CCSER1: variants seen among roughly 807,000 people sequenced by gnomAD.
CCSER1 encodes the protein serine-rich coiled-coil domain-containing protein 1.
CCSER1 carries 41 observed loss-of-function variants against 82.0 expected under a neutral mutation model. The ratio of observed to expected loss-of-function variants is 0.50; its 90% CI spans 0.39 to 0.65. The LOEUF (loss-of-function observed/expected upper bound fraction) is 0.65, where lower values mean the gene tolerates loss of function less well. CCSER1 is among the 30% of genes least tolerant of loss of function. The pLI is 0.00. For synonymous variants in CCSER1, 414 were observed against 383.9 expected (o/e 1.08, Z -0.92); for missense variants, 1,119 against 1,064.2 (o/e 1.05, Z -0.72).
intron 5 of CCSER1, among the ~76,000 whole-genome samples, chr4:90,568,823 C>T (rs1779748051): frequency 6.7e-6 from 1 of 150,102 alleles, no homozygotes; most frequent in Non-Finnish European, 1.5e-5. Context: ...AATGCAGTGG[C>T]ACCGTGCCGT....
At chr4:90,134,792 C>G (rs1200748234) in intron 1 of CCSER1, among the ~76,000 whole-genome samples, 2 of 152,166 alleles carry the variant, frequency 1.3e-5, no homozygotes, top group Admixed American at 6.6e-5. Context: ...TTCAGTTCAT[C>G]TATTTAACTG....
intron 1 of CCSER1, among the ~76,000 whole-genome samples, chr4:90,211,663 GTTTA>G (rs1205690039): frequency 6.6e-6 from 1 of 152,182 alleles, no homozygotes; most frequent in Non-Finnish European, 1.5e-5. Flanking sequence ...AGCCACAACA[GTTTA>G]CCCTAAGAAT....
At chr4:91,217,315 A>G (rs1273358801) in intron 10 of CCSER1, among the ~76,000 whole-genome samples, 3 of 152,198 alleles carry the variant, frequency 2.0e-5, no homozygotes, top group Non-Finnish European at 4.4e-5. Context: ...GGTAGAGCCC[A>G]GTGGCCTGTT....
intron 9 of CCSER1, among the ~76,000 whole-genome samples, chr4:91,059,292 G>A (rs1277408043): frequency 8.4e-5 from 7 of 83,136 alleles, no homozygotes; most frequent in African/African-American, 3.2e-4. Context: ...AAGCTGAAAT[G>A]TGTGTATATA....
chr4:91,068,466 A>G (rs551476771), intron 9 of CCSER1, among the ~76,000 whole-genome samples: 2 of 152,344 alleles, frequency 1.3e-5, no homozygotes, highest in South Asian at 4.1e-4. Context: ...TGACAGAAAT[A>G]AACACATTTA....
At chr4:91,538,698 C>CATATATTATATATATATATAAT in intron 10 of CCSER1, among the ~76,000 whole-genome samples, 6 of 138,340 alleles carry the variant, frequency 4.3e-5, no homozygotes, top group African/African-American at 1.7e-4. Flanking sequence ...TATATATACA[C>CATATATTATATATATATATAAT]ATATATATAT....
chr4:90,914,398 G>A (rs563763647), intron 8 of CCSER1, among the ~76,000 whole-genome samples: 3 of 152,114 alleles, frequency 2.0e-5, no homozygotes, highest in South Asian at 2.1e-4. Context: ...ATGACTGCTC[G>A]GTACATAACT....
rs1764747805 is a variant in CCSER1 at position 91,599,936 on chromosome 4, TC to T, written c.*880del. On this transcript the variant is annotated 3_prime_UTR_variant, in exon 11 of 11. Coordinates refer to ENST00000509176, the MANE Select transcript of CCSER1 (RefSeq NM_001145065.2). ...GGATGAAACATCCTAAGAAAATTATTCTTTTTCTTTACTTTCCTTATTTTTT... is the reference window on the plus strand; with the variant it reads ...GGATGAAACATCCTAAGAAAATTATTTTTTTCTTTACTTTCCTTATTTTTT... 6.6e-6 allele frequency: 1 copy of T among 152,174 alleles called. No homozygotes were observed. Among genetic ancestry groups the T allele is most frequent in the Admixed American group, 6.6e-5 (1 of 15,258 alleles). The allele number at this position is 152,174 out of a possible 1,614,324, so 9.4% of individuals were successfully genotyped here.
At chr4:90,863,203 C>A (rs1765313793) in intron 8 of CCSER1, among the ~76,000 whole-genome samples, 1 of 151,084 alleles carries the variant, frequency 6.6e-6, no homozygotes, top group Non-Finnish European at 1.5e-5. Context: ...GGTCTTTTGT[C>A]CTTGCGATAG....
chr4:90,837,095 C>T (rs1761897477), intron 8 of CCSER1, among the ~76,000 whole-genome samples: 1 of 152,074 alleles, frequency 6.6e-6, no homozygotes, highest in Non-Finnish European at 1.5e-5. Flanking sequence ...GCAATCAAAG[C>T]ATATGAAGCC....
intron 9 of CCSER1, among the ~76,000 whole-genome samples, chr4:91,053,065 A>G (rs542441702): frequency 6.6e-6 from 1 of 152,310 alleles, no homozygotes; most frequent in East Asian, 1.9e-4. Context: ...ATGACTAAAC[A>G]AAATAGTTTT....
At chr4:90,241,676 G>A (rs972091423) in intron 1 of CCSER1, among the ~76,000 whole-genome samples, 5 of 152,054 alleles carry the variant, frequency 3.3e-5, no homozygotes, top group African/African-American at 1.2e-4. Flanking sequence ...GGAAAAGAAG[G>A]AAAGGGATAC....
At chr4:91,350,609 A>G (rs2149299385) in intron 10 of CCSER1, among the ~76,000 whole-genome samples, 1 of 152,246 alleles carries the variant, frequency 6.6e-6, no homozygotes, top group East Asian at 1.9e-4. Context: ...TTATTGTCAC[A>G]TTAACTACAT....
intron 10 of CCSER1, among the ~76,000 whole-genome samples, chr4:91,437,938 G>C (rs535440189): frequency 6.6e-6 from 1 of 152,168 alleles, no homozygotes; most frequent in Non-Finnish European, 1.5e-5. Flanking sequence ...AGGGGCGCCC[G>C]CCATTGCCCA....
In CCSER1 at chr4:90,299,241, T is replaced by C. The variant is rs778954750; in HGVS notation, c.-41-9003T>C. On this transcript the variant is annotated intron_variant, in intron 1 of 10. Coordinates refer to ENST00000509176, the MANE Select transcript of CCSER1 (RefSeq NM_001145065.2). ...ACACCACTCACCCTCTTTCTCTTTT[T>C]ATCTGGGGGATTGATTTATACAAAT... Among the ~76,000 whole-genome samples the C allele has an allele frequency of 2.4e-4, 37 of 152,088 alleles. 1 individual carries two copies. The highest frequency in any genetic ancestry group is 3.2e-3 in the Middle Eastern group (1 of 316).
Position 90,623,673 on chromosome 4 carries a change from G to T in CCSER1, c.1725-4352G>T, listed in dbSNP as rs72871979. Among the ~76,000 whole-genome samples, 1,500 of 152,152 alleles carry T rather than the reference G, an allele frequency of 9.9e-3. 21 individuals carry two copies. Among genetic ancestry groups the T allele is most frequent in the African/African-American group, 0.034 (1,410 of 41,496 alleles). ...TATAACCACTACACTTACTATAGAG[G>T]GAAATGCTGATTGCATCTCTTCTGG... On this transcript the variant is annotated intron_variant, in intron 5 of 10. Transcript: ENST00000509176.
At chr4:91,170,366 G>T (rs1331129983) in intron 10 of CCSER1, among the ~76,000 whole-genome samples, 2 of 152,060 alleles carry the variant, frequency 1.3e-5, no homozygotes, top group Non-Finnish European at 2.9e-5. Flanking sequence ...AAAGGAGCAG[G>T]AAAAGCATAT....
chr4:91,357,044 C>A (rs577108592), intron 10 of CCSER1, among the ~76,000 whole-genome samples: 1 of 152,274 alleles, frequency 6.6e-6, no homozygotes, highest in African/African-American at 2.4e-5. Flanking sequence ...ATATTTGATC[C>A]ATTTCATCCA....
intron 8 of CCSER1, among the ~76,000 whole-genome samples, chr4:90,845,816 A>AC (rs1763171315): frequency 6.6e-6 from 1 of 152,024 alleles, no homozygotes; most frequent in Non-Finnish European, 1.5e-5. Context: ...TGAAAAAAAA[A>AC]AAAACCAGAT....
Sources: allele counts gnomAD v4.1 joint callset (sites outside exome capture counted in the v4.1 genomes callset), GRCh38; gene constraint gnomAD v4.1.1; transcripts MANE v1.5; gene names NCBI Gene and HGNC (gene_info 2026-07-23, HGNC 2026-07-21).